PRAG1: variants seen among roughly 807,000 people sequenced by gnomAD.
PRAG1 encodes the protein PEAK1 related, kinase-activating pseudokinase 1.
PRAG1 carries 110 observed loss-of-function variants against 95.6 expected under a neutral mutation model. The ratio of observed to expected loss-of-function variants is 1.15; its 90% CI spans 0.99 to 1.35. PRAG1 has a LOEUF of 1.35. Ranked by LOEUF, PRAG1 falls within the 40% of genes most tolerant of loss-of-function variation. The probability of loss-of-function intolerance (pLI) is 0.00; values close to 1 mark genes in which losing one functional copy is unlikely to be tolerated. For synonymous variants in PRAG1, 1,052 were observed against 819.4 expected, an observed-to-expected ratio of 1.28 and a Z score of -4.85; for missense variants, 2,554 against 1,864.7, an observed-to-expected ratio of 1.37 and a Z score of -6.81.
chr8:8,381,322 C>A, intron 2 of PRAG1, 96 bp downstream of exon 2: 1 of 1,272,732 alleles, frequency 7.9e-7, no homozygotes, highest in Non-Finnish European at 1.1e-6. Context: ...CTGCAGGTTT[C>A]TTGCTGGAAC....
At chr8:8,378,202 C>G in intron 2 of PRAG1, 124 bp from the exon 3 acceptor site, 1 of 1,158,654 alleles carries the variant, frequency 8.6e-7, no homozygotes, top group Non-Finnish European at 1.2e-6. Flanking sequence ...AGTGCAGGGG[C>G]GCTGGGGCCG....
At chr8:8,376,099 C>T in intron 3 of PRAG1, 148 bp downstream of exon 3, 2 of 1,108,754 alleles carry the variant, frequency 1.8e-6, no homozygotes, top group Non-Finnish European at 1.3e-6. Context: ...GAGGGCTGCA[C>T]TGGGACCCTG....
At chr8:8,376,215 A>T (rs937552557) in intron 3 of PRAG1, 32 bp downstream of exon 3, 2 of 1,595,494 alleles carry the variant, frequency 1.3e-6, no homozygotes, top group South Asian at 2.3e-5. Context: ...TTTGCCCTGC[A>T]GACAGAGTCC....
chr8:8,318,346 CGA>C lies in PRAG1; in HGVS notation c.4027_4028del (p.Ser1343GlyfsTer104), dbSNP rs755986106. ...RRELVQQPGT[S>X]EEALCGTLHN... ...GCAGCGTGCCGCACAGCGCCTCCTCCGAGGTGCCCGGCTGCTGCACCAGCTCG... is the reference window on the plus strand; with the variant it reads ...GCAGCGTGCCGCACAGCGCCTCCTCCGGTGCCCGGCTGCTGCACCAGCTCG... On this transcript the variant is annotated frameshift_variant, in exon 6 of 6. Transcript: ENST00000615670. LOFTEE classifies it high-confidence loss of function. This position sits in a 1 kb window ranked among gnomAD's most constrained non-coding sequence, Gnocchi z 4.2. 1 of 1,613,992 alleles carries C rather than the reference CGA, an allele frequency of 6.2e-7. No individual in the cohort carries two copies. Among genetic ancestry groups the C allele is most frequent in the South Asian group, 1.1e-5 (1 of 91,076 alleles).
chr8:8,377,215 C>T lies in PRAG1; in HGVS notation c.1194G>A (p.Gln398=). 1 of 1,611,882 alleles carries T rather than the reference C, an allele frequency of 6.2e-7. No homozygotes were observed. The highest frequency in any genetic ancestry group is 8.5e-7 in the Non-Finnish European group (1 of 1,179,672). Residue 398 remains glutamine, a synonymous_variant, in exon 3 of 6, where the codon CAG becomes CAA. Transcript: ENST00000615670. ...TAGCCTCCCGGGGGTGGGCCGGGGG[C>T]TGGGGCTCCCCCGTCAGCCCAAGGC... ...SRCLGLTGEP[Q]PPAHPREATQ...
chr8:8,319,134 G>T lies in PRAG1; in HGVS notation c.3241C>A (p.Pro1081Thr), dbSNP rs199632492. 2 of 1,605,522 alleles carry T rather than the reference G, an allele frequency of 1.2e-6. No homozygotes were observed. The highest frequency in any genetic ancestry group is 1.3e-5 in the African/African-American group (1 of 74,824). ...DPVPALPTHP[P>T]AQEQDCVVVI... The stretch of plus-strand genomic sequence containing the variant: ...ACCACGCAGTCCTGCTCCTGGGCAG[G>T]GGGGTGTGTGGGCAGGGCAGGCACA... Residue 1081 changes from proline (P) to threonine (T), a missense_variant, in exon 6 of 6, where the codon CCT becomes ACT. Transcript: ENST00000615670.
intron 3 of PRAG1, among the ~76,000 whole-genome samples, chr8:8,365,511 C>T (rs182935980): frequency 6.6e-6 from 1 of 152,180 alleles, no homozygotes; most frequent in East Asian, 1.9e-4. Context: ...GTAATTCCAG[C>T]TACTCGGGAG....
intron 1 of PRAG1, among the ~76,000 whole-genome samples, chr8:8,383,384 A>G (rs1433497401): frequency 6.6e-6 from 1 of 152,130 alleles, no homozygotes; most frequent in African/African-American, 2.4e-5. Flanking sequence ...CAGCCTGGGT[A>G]ACACAGAGAC....
chr8:8,344,620 G>C (rs571751166), intron 3 of PRAG1, among the ~76,000 whole-genome samples: 1 of 152,108 alleles, frequency 6.6e-6, no homozygotes, highest in Admixed American at 6.5e-5. Flanking sequence ...AAAATCTTAG[G>C]GAACACCTGC....
chr8:8,360,923 T>G (rs964561991), intron 3 of PRAG1, among the ~76,000 whole-genome samples: 7 of 152,248 alleles, frequency 4.6e-5, no homozygotes. Context: ...GCTGCCAGAA[T>G]ATTTTGACCT....
At chr8:8,378,936 GAGGGTGAGGGGTGGTTTCTGAACCGGATC>G (rs1416812164) in intron 2 of PRAG1, among the ~76,000 whole-genome samples, 5 of 152,092 alleles carry the variant, frequency 3.3e-5, no homozygotes, top group African/African-American at 4.8e-5. Flanking sequence ...GGCAGAACAG[GAGGGTGAGGGGTGGTTTCTGAACCGGATC>G]AGGGTGAGGG....
intron 3 of PRAG1, among the ~76,000 whole-genome samples, chr8:8,366,447 A>G (rs1481924993): frequency 6.6e-6 from 1 of 151,564 alleles, no homozygotes; most frequent in African/African-American, 2.4e-5. Context: ...CTGAGTAGCT[A>G]AGATTACATG....
intron 1 of PRAG1, 29 bp from the exon 2 acceptor site, chr8:8,381,863 G>C (rs772318888): frequency 3.9e-6 from 3 of 773,718 alleles, no homozygotes; most frequent in Admixed American, 3.0e-5. Context: ...TTCCTGATTA[G>C]AGATTTGCCA....
intron 1 of PRAG1, among the ~76,000 whole-genome samples, chr8:8,383,333 G>A (rs1378129967): frequency 6.6e-6 from 1 of 152,226 alleles, no homozygotes; most frequent in Non-Finnish European, 1.5e-5. Context: ...CACTTTGGGA[G>A]GCCGAGGCAG....
rs574326320 is a variant in PRAG1 at position 8,358,935 on chromosome 8, A to G, written c.2162+17312T>C. Among the ~76,000 whole-genome samples the G allele has an allele frequency of 8.5e-5, 13 of 152,358 alleles. No individual in the cohort carries two copies. In the East Asian group the frequency reaches 1.4e-3, roughly 16 times the overall value. On this transcript the variant is annotated intron_variant, in intron 3 of 5. Transcript: ENST00000615670. ...CTTATAGAAGCAATAACATTTCCAA[A>G]TAAGGAAGGGATATAAGCTGTGACC...
chr8:8,350,033 A>G (rs528719984), intron 3 of PRAG1, among the ~76,000 whole-genome samples: 10 of 152,224 alleles, frequency 6.6e-5, no homozygotes, highest in Non-Finnish European at 1.0e-4. Context: ...CAAGGATAAA[A>G]ATTCTTAAAT....
At chr8:8,340,724 T>A (rs1175771300) in intron 3 of PRAG1, among the ~76,000 whole-genome samples, 6 of 152,338 alleles carry the variant, frequency 3.9e-5, no homozygotes, top group Middle Eastern at 3.4e-3. Context: ...ATCCCCTGTG[T>A]ATCAACAGGA....
chr8:8,319,077 C>A lies in PRAG1; in HGVS notation c.3298G>T (p.Ala1100Ser), dbSNP rs1798388549. Residue 1100 changes from alanine (A) to serine (S), a missense_variant, in exon 6 of 6, where the codon GCC becomes TCC. Coordinates refer to ENST00000615670, the MANE Select transcript of PRAG1 (RefSeq NM_001080826.3). ...VITREVPHQT[A>S]SDFVRDSAAS... ...GCCGAGTCCCGCACGAAGTCGGAGGCGGTCTGATGTGGCACCTCTCGGGTG... is the reference window on the plus strand; with the variant it reads ...GCCGAGTCCCGCACGAAGTCGGAGGAGGTCTGATGTGGCACCTCTCGGGTG... 1 of 1,611,012 alleles carries A rather than the reference C, an allele frequency of 6.2e-7. No individual in the cohort carries two copies. Among genetic ancestry groups the A allele is most frequent in the Admixed American group, 1.7e-5 (1 of 59,944 alleles).
intron 1 of PRAG1, among the ~76,000 whole-genome samples, chr8:8,384,315 G>A (rs1165411143): frequency 6.6e-6 from 1 of 152,018 alleles, no homozygotes; most frequent in East Asian, 1.9e-4. Context: ...CTGTGCAAAG[G>A]GAGTGTGGAA....
Sources: allele counts gnomAD v4.1 joint callset (sites outside exome capture counted in the v4.1 genomes callset), GRCh38; gene constraint gnomAD v4.1.1; non-coding constraint Gnocchi (gnomAD v3.1); transcripts MANE v1.5; gene names NCBI Gene and HGNC (gene_info 2026-07-23, HGNC 2026-07-21).